Variants in MED24 observed in about 807,000 individuals in gnomAD.
MED24 encodes mediator complex subunit 24.
Under a neutral mutation model 118.8 loss-of-function variants are expected in MED24, and 74 were observed. The observed-to-expected ratio is 0.62, with a 90% CI of 0.52 to 0.76. The LOEUF is 0.76. MED24 is among the 30% of genes least tolerant of loss of function. The pLI is 0.00. For synonymous variants in MED24, 521 were observed against 523.9 expected (o/e 0.99, Z 0.08); for missense variants, 1,041 against 1,278.9 (o/e 0.81, Z 2.84).
chr17:40,033,252 TG>T lies in MED24; in HGVS notation c.672-47del. On this transcript the variant is annotated intron_variant, in intron 7 of 25. Transcript: ENST00000394128. The surrounding 1 kb of genome is among the most constrained non-coding windows in gnomAD (Gnocchi z 5.2). ...GGGACGGTGTTTGGGGGGCCAAAGG[TG>T]AAGGCGGAGAGGATGGCACGGGTGC... The T allele has an allele frequency of 6.2e-7, 1 of 1,612,344 alleles. No individual in the cohort carries two copies. The highest frequency in any genetic ancestry group is 8.5e-7 in the Non-Finnish European group (1 of 1,179,658).
rs1275250791 is a variant in MED24, at chr17:40,035,120, C to T, written c.556G>A (p.Ala186Thr). The change falls in exon 6 of 26, where the codon GCC (alanine) becomes ACC (threonine). Residue 186 changes from alanine to threonine, a missense_variant. By Grantham distance (58) the Ala-to-Thr change is moderately conservative. Transcript: ENST00000394128. ...TCAGGGGAATCAAGGGACATACAGG[C>T]CTCCTCTAGTTTGGCGATGTGCAGC... ...ALLHIAKLEE[A>T]SSWTAIEHSL... 2 of 1,614,046 alleles carry T rather than the reference C, an allele frequency of 1.2e-6. No homozygotes were observed. Among genetic ancestry groups the T allele is most frequent in the South Asian group, 1.1e-5 (1 of 91,074 alleles).
At chr17:40,025,158 T>C (rs560966510) in intron 19 of MED24, among the ~76,000 whole-genome samples, 2 of 152,330 alleles carry the variant, frequency 1.3e-5, no homozygotes, top group Admixed American at 6.5e-5. Flanking sequence ...AAGGACTGTA[T>C]GATTCCAGTT....
Position 40,036,164 on chromosome 17 carries a change from A to G in MED24, c.214-10T>C, listed in dbSNP as rs1403038557. 6.2e-7 allele frequency: 1 copy of G among 1,608,586 alleles called. No individual in the cohort carries two copies. Among genetic ancestry groups the G allele is most frequent in the African/African-American group, 1.3e-5 (1 of 74,768 alleles). On this transcript the variant is annotated splice_polypyrimidine_tract_variant and intron_variant, in intron 3 of 25. Coordinates refer to ENST00000394128, the MANE Select transcript of MED24 (RefSeq NM_014815.4). ...AAGAGTAGGACACCATCTGGAGAGA[A>G]GGAAGAAAGATAATCTTTAGACAAC...
chr17:40,026,770 C>A, intron 17 of MED24, 24 bp from the exon 18 acceptor site: 1 of 1,610,960 alleles, frequency 6.2e-7, no homozygotes. Context: ...GAGAAGTCAG[C>A]ACAGGGGAGC....
intron 11 of MED24, 127 bp from the exon 12 acceptor site, chr17:40,031,372 G>A (rs1031430116): frequency 9.0e-5 from 109 of 1,216,906 alleles, no homozygotes; most frequent in South Asian, 1.3e-4. Flanking sequence ...CCTGAGGGAC[G>A]GTAGAGGGGC....
chr17:40,019,872 C>G lies in MED24; in HGVS notation c.2766G>C (p.Gln922His), dbSNP rs1345292757. ...ACTCCTCCATGAACCACTGCACGAACTGGGTGTGGGGGCCAGCGGTGCGAG... is the reference window on the plus strand; with the variant it reads ...ACTCCTCCATGAACCACTGCACGAAGTGGGTGTGGGGGCCAGCGGTGCGAG... ...LGSRTAGPHT[Q>H]FVQWFMEECV... Residue 922 changes from glutamine (Q) to histidine (H), a missense_variant, in exon 25 of 26, where the codon CAG (glutamine) becomes CAC (histidine). Gln to His is a conservative substitution (Grantham distance 24). Coordinates refer to ENST00000394128, the MANE Select transcript of MED24 (RefSeq NM_014815.4). The G allele has an allele frequency of 6.3e-7, 1 of 1,588,704 alleles. No homozygotes were observed.
At chr17:40,026,819 C>T (rs750723310) in intron 17 of MED24, 37 bp downstream of exon 17, 1 of 1,611,196 alleles carries the variant, frequency 6.2e-7, no homozygotes, top group Non-Finnish European at 8.5e-7. Context: ...ACCCTGCCCC[C>T]ACCGCCACCC....
chr17:40,035,025 A>G, intron 6 of MED24, 92 bp downstream of exon 6: 2 of 1,612,198 alleles, frequency 1.2e-6, no homozygotes, highest in Non-Finnish European at 1.7e-6. Context: ...TCCTGGAAAG[A>G]GGTGGGATGG....
Position 40,023,030 on chromosome 17 carries a change from G to A in MED24, c.2250+101C>T. 10 of 1,483,548 alleles carry A rather than the reference G, an allele frequency of 6.7e-6. No homozygotes were observed. In the South Asian group the frequency reaches 1.3e-4, roughly 20 times the overall value. The allele number at this position is 1,483,548 out of a possible 1,614,324, so 91.9% of individuals were successfully genotyped here. A position where few individuals can be genotyped will look rare whatever the true frequency, so the allele number is the denominator to read the frequency against. ...GCGAGGCATTCCGGGGAGGCCACCTGGCTCACGGCAGCCTCTCAGGGAAGC... is the reference window on the plus strand; with the variant it reads ...GCGAGGCATTCCGGGGAGGCCACCTAGCTCACGGCAGCCTCTCAGGGAAGC... On this transcript the variant is annotated intron_variant, in intron 20 of 25. Transcript: ENST00000394128.
Position 40,036,167 on chromosome 17 carries a change from A to G in MED24, c.214-13T>C, listed in dbSNP as rs1367434999. On this transcript the variant is annotated splice_polypyrimidine_tract_variant and intron_variant, in intron 3 of 25. Transcript: ENST00000394128. ...AGTAGGACACCATCTGGAGAGAAGG[A>G]AGAAAGATAATCTTTAGACAACTAG... 1 of 1,607,976 alleles carries G rather than the reference A, an allele frequency of 6.2e-7. No individual in the cohort carries two copies. Among genetic ancestry groups the G allele is most frequent in the Non-Finnish European group, 8.5e-7 (1 of 1,174,352 alleles).
intron 13 of MED24, 160 bp from the exon 14 acceptor site, chr17:40,029,128 A>G (rs1983068260): frequency 1.1e-6 from 1 of 933,210 alleles, no homozygotes. Flanking sequence ...CTGCTCTCCG[A>G]TCCATCCCTC....
intron 16 of MED24, 56 bp from the exon 17 acceptor site, chr17:40,027,090 C>G: frequency 1.3e-6 from 2 of 1,587,002 alleles, no homozygotes; most frequent in Admixed American, 3.5e-5. Flanking sequence ...CGCCTGCCAG[C>G]GCTGGACCTG....
In MED24 at chr17:40,033,813, C is replaced by T. The variant is rs528149191; in HGVS notation, c.560-357G>A. 2.3e-5 allele frequency: 11 copies of T among 473,248 alleles called. No individual in the cohort carries two copies. Among genetic ancestry groups the T allele is most frequent in the African/African-American group, 2.0e-4 (10 of 50,828 alleles). The allele number at this position is 473,248 out of a possible 1,614,324, so 29.3% of individuals were successfully genotyped here. On this transcript the variant is annotated intron_variant, in intron 6 of 25. Coordinates refer to ENST00000394128, the MANE Select transcript of MED24 (RefSeq NM_014815.4). This position sits in a 1 kb window ranked among gnomAD's most constrained non-coding sequence, Gnocchi z 5.2. ...GGCCACAAATCACTCGAGGAGTGAG[C>T]GGATCCCAAAGTCCAGTCTTGCAGA...
At chr17:40,036,062 G>A in intron 4 of MED24, 54 bp downstream of exon 4, 1 of 1,554,784 alleles carries the variant, frequency 6.4e-7, no homozygotes, top group South Asian at 1.1e-5. Context: ...CCGTCAAGGA[G>A]GCGGGGCCTT....
intron 4 of MED24, 22 bp downstream of exon 4, chr17:40,036,094 T>TC (rs764096834): frequency 4.4e-6 from 7 of 1,605,922 alleles, no homozygotes; most frequent in Non-Finnish European, 6.0e-6. Context: ...CCAATCTAGC[T>TC]CCTGAGTGTC....
rs764856782 is a variant in MED24, at chr17:40,028,859, C to G, written c.1376G>C (p.Gly459Ala). 10 of 1,613,954 alleles carry G rather than the reference C, an allele frequency of 6.2e-6. No homozygotes were observed. The African/African-American group carries it at 1.3e-4, about 22-fold the overall frequency. Residue 459 changes from glycine (G) to alanine (A), a missense_variant, in exon 14 of 26, where the codon GGA becomes GCA. Physicochemically the swap from Gly to Ala is moderately conservative, Grantham distance 60. Around this residue, in one of 3 missense-constraint regions of MED24, gnomAD observed 587 missense variants for 694.4 expected, o/e 0.85. Coordinates refer to ENST00000394128, the MANE Select transcript of MED24 (RefSeq NM_014815.4). ...TTTCCGGGCGAAGGATTTCAGCTTT[C>G]CAGTGGCGGCGGCGGCAGCCAGCAG... ...DLLLAAAAATGKLKSFARKFI... is the reference protein window; with the variant it reads ...DLLLAAAAATAKLKSFARKFI...
intron 5 of MED24, 122 bp from the exon 6 acceptor site, chr17:40,035,471 G>C (rs2144922018): frequency 8.8e-7 from 1 of 1,139,156 alleles, no homozygotes; most frequent in Middle Eastern, 2.3e-4. Flanking sequence ...AGCTAGCAAA[G>C]TCCTGGGGAA....
At chr17:40,049,675 C>T (rs946614575) in intron 3 of MED24, among the ~76,000 whole-genome samples, 41 of 151,848 alleles carry the variant, frequency 2.7e-4, no homozygotes, top group African/African-American at 9.9e-4. Flanking sequence ...TACAGGCACT[C>T]GCCACCATGC....
intron 1 of MED24, 44 bp from the exon 2 acceptor site, chr17:40,053,679 T>A: frequency 6.2e-7 from 1 of 1,609,084 alleles, no homozygotes; most frequent in South Asian, 1.1e-5. Context: ...GACATGAGGT[T>A]CTAAGGAGAA....
Sources: allele counts gnomAD v4.1 joint callset (sites outside exome capture counted in the v4.1 genomes callset), GRCh38; gene constraint gnomAD v4.1.1; regional missense constraint gnomAD v4.1.1; non-coding constraint Gnocchi (gnomAD v3.1); transcripts MANE v1.5; gene names NCBI Gene and HGNC (gene_info 2026-07-23, HGNC 2026-07-21).